The following ABCG8 variants were observed in gnomAD, a reference collection of about 807,000 sequenced individuals.
ABCG8 encodes the protein ATP-binding cassette sub-family G member 8.
A neutral mutation model predicts 71.3 loss-of-function variants in ABCG8; 81 were observed. The observed-to-expected ratio is 1.14, with a 90% CI of 0.95 to 1.37. The LOEUF (loss-of-function observed/expected upper bound fraction) is 1.37. ABCG8 is among the 40% of genes most tolerant of loss of function. The probability of loss-of-function intolerance (pLI) is 0.00; values close to 1 mark genes in which losing one functional copy is unlikely to be tolerated. For missense variants in ABCG8, 1,119 were observed against 866.2 expected, an observed-to-expected ratio of 1.29 and a Z score of -3.66; for synonymous variants, 451 against 354.7, an observed-to-expected ratio of 1.27 and a Z score of -3.05.
chr2:43,857,345 T>A (rs60632368), intron 6 of ABCG8, among the ~76,000 whole-genome samples: 8,164 of 151,716 alleles, frequency 0.054, 269 homozygotes, highest in Middle Eastern at 0.11. Context: ...GATAGAACTC[T>A]CTCGTATTCC....
chr2:43,867,199 G>A (rs1219902842), intron 6 of ABCG8, among the ~76,000 whole-genome samples: 18 of 121,944 alleles, frequency 1.5e-4, no homozygotes, highest in Middle Eastern at 5.1e-3. Flanking sequence ...ACTGTTGTGG[G>A]GTGGGGGGAG....
intron 6 of ABCG8, among the ~76,000 whole-genome samples, chr2:43,861,399 T>C (rs778433069): frequency 6.6e-6 from 1 of 151,308 alleles, no homozygotes; most frequent in Non-Finnish European, 1.5e-5. Context: ...ACTATCTGTC[T>C]GGATCGTATT....
chr2:43,875,574 A>C (rs1271631164), intron 11 of ABCG8, among the ~76,000 whole-genome samples, 161 bp downstream of exon 11: 1 of 152,222 alleles, frequency 6.6e-6, no homozygotes, highest in Non-Finnish European at 1.5e-5. Context: ...GGCCAAAGGA[A>C]TGATTCCATT....
intron 3 of ABCG8, among the ~76,000 whole-genome samples, chr2:43,849,377 G>C (rs1558804612): frequency 6.6e-6 from 1 of 152,200 alleles, no homozygotes; most frequent in South Asian, 2.1e-4. Context: ...GGTGGCAGGA[G>C]AGAAGAATGA....
intron 6 of ABCG8, among the ~76,000 whole-genome samples, chr2:43,864,600 C>T (rs1669454322): frequency 6.6e-6 from 1 of 151,810 alleles, no homozygotes; most frequent in Non-Finnish European, 1.5e-5. Flanking sequence ...GCATGGAACT[C>T]TCACTATCTG....
intron 3 of ABCG8, among the ~76,000 whole-genome samples, chr2:43,851,069 A>T (rs763531677): frequency 6.6e-6 from 1 of 152,138 alleles, no homozygotes; most frequent in Non-Finnish European, 1.5e-5. Flanking sequence ...CTCAAAATAG[A>T]TTTGGTTTTG....
chr2:43,863,330 A>C (rs1303393799), intron 6 of ABCG8, among the ~76,000 whole-genome samples: 1 of 151,552 alleles, frequency 6.6e-6, no homozygotes, highest in Admixed American at 6.6e-5. Context: ...TCTGGATAGA[A>C]TTCTCACTAT....
At chr2:43,855,012 T>C (rs1002892715) in intron 6 of ABCG8, among the ~76,000 whole-genome samples, 4 of 152,180 alleles carry the variant, frequency 2.6e-5, no homozygotes, top group Non-Finnish European at 5.9e-5. Flanking sequence ...CTACCTGAAG[T>C]TGGCCGGTCC....
chr2:43,875,528 C>A, intron 11 of ABCG8, 115 bp downstream of exon 11: 1 of 1,364,686 alleles, frequency 7.3e-7, no homozygotes, highest in Non-Finnish European at 9.8e-7. Context: ...GAGGCTGGCC[C>A]TTCTGGAAGC....
intron 6 of ABCG8, among the ~76,000 whole-genome samples, chr2:43,859,561 C>G (rs1669231552): frequency 6.6e-6 from 1 of 151,300 alleles, no homozygotes; most frequent in Non-Finnish European, 1.5e-5. Flanking sequence ...GGAAAGAATT[C>G]TCACTCTGTG....
In ABCG8 at chr2:43,839,040, G is replaced by C; in HGVS notation, c.-14G>C. The stretch of plus-strand genomic sequence containing the variant: ...AAGAGAGCTGCAGCCCAGGGTCACA[G>C]ACCTGTGGGCCCCATGGCCGGGAAG... On this transcript the variant is annotated 5_prime_UTR_variant, in exon 1 of 13. Transcript: ENST00000272286. The C allele has an allele frequency of 6.4e-7, 1 of 1,550,660 alleles. No individual in the cohort carries two copies. The highest frequency in any genetic ancestry group is 1.4e-5 in the African/African-American group (1 of 73,158).
chr2:43,875,306 C>A lies in ABCG8; in HGVS notation c.1649C>A (p.Ala550Glu), dbSNP rs202028007. The part of the protein sequence containing the change: ...FCCRIMALAA[A>E]ALLPTFHMAS... Reference sequence around the variant, plus strand: ...TGCAGGATTATGGCCCTGGCCGCCGCGGCCCTGCTCCCCACCTTCCACATG... The same window carrying A: ...TGCAGGATTATGGCCCTGGCCGCCGAGGCCCTGCTCCCCACCTTCCACATG... Residue 550 changes from alanine (A) to glutamate (E), a missense_variant, in exon 11 of 13, where the codon GCG becomes GAG. Physicochemically the swap from Ala to Glu is moderately radical, Grantham distance 107. Transcript: ENST00000272286. 1 of 1,614,154 alleles carries A rather than the reference C, an allele frequency of 6.2e-7. No individual in the cohort carries two copies. The highest frequency in any genetic ancestry group is 1.1e-5 in the South Asian group (1 of 91,078).
chr2:43,842,759 A>G (rs1668620118), intron 1 of ABCG8, among the ~76,000 whole-genome samples: 1 of 145,872 alleles, frequency 6.9e-6, no homozygotes, highest in Admixed American at 6.9e-5. Context: ...CCTCTCCTGA[A>G]TTAGGTGTTT....
At chr2:43,848,778 G>A (rs1460457964) in intron 3 of ABCG8, among the ~76,000 whole-genome samples, 1 of 152,056 alleles carries the variant, frequency 6.6e-6, no homozygotes, top group Non-Finnish European at 1.5e-5. Flanking sequence ...CACTTTGGGA[G>A]GCTGAGGCAA....
In ABCG8 at chr2:43,874,399, C is replaced by CT. The variant is rs4148227; in HGVS notation, c.1412-3dup. On this transcript the variant is annotated splice_polypyrimidine_tract_variant and splice_region_variant and intron_variant, in intron 9 of 12. Coordinates refer to ENST00000272286, the MANE Select transcript of ABCG8 (RefSeq NM_022437.3). ...CTTCATTCTCTTTTCCTTTCCCTTA[C>CT]TTTTTAGGTTACTCAGAGAGGGCAA... is the stretch of plus-strand genomic sequence containing the variant. 1.9e-6 allele frequency: 3 copies of CT among 1,594,058 alleles called. No homozygotes were observed. Among genetic ancestry groups the CT allele is most frequent in the Non-Finnish European group, 2.6e-6 (3 of 1,162,024 alleles).
At chr2:43,865,216 C>A (rs1274231760) in intron 6 of ABCG8, among the ~76,000 whole-genome samples, 1 of 136,686 alleles carries the variant, frequency 7.3e-6, no homozygotes, top group African/African-American at 2.8e-5. Flanking sequence ...AGAATTCTCA[C>A]CATCTGCATG....
intron 2 of ABCG8, 72 bp downstream of exon 2, chr2:43,844,680 A>G (rs562598492): frequency 2.2e-5 from 28 of 1,278,276 alleles, no homozygotes; most frequent in Non-Finnish European, 3.2e-5. Context: ...GGTGGAAATA[A>G]AAGGGTGGGC....
At chr2:43,846,703 G>A (rs914474072) in intron 3 of ABCG8, 3 of 310,778 alleles carry the variant, frequency 9.7e-6, no homozygotes, top group Non-Finnish European at 1.9e-5. Context: ...TGGCCAGACA[G>A]CCCCTGCCAC....
At position 43,881,650 on chromosome 2, in the gene ABCG8, A is replaced by C. The variant is rs948886464; in HGVS notation, c.*3737A>C. ...CTTGAATCCGGGAGGCAGAGGTTGC[A>C]GTGAGCCGAGATTGAGCCACCGCAC... On this transcript the variant is annotated 3_prime_UTR_variant, in exon 13 of 13. Coordinates refer to ENST00000272286, the MANE Select transcript of ABCG8 (RefSeq NM_022437.3). 1.4e-5 allele frequency: 2 copies of C among 145,986 alleles called. No individual in the cohort carries two copies. The highest frequency in any genetic ancestry group is 7.0e-5 in the Admixed American group (1 of 14,250). 9.0% of individuals were successfully genotyped at this position (145,986 alleles called of 1,614,324 possible).
Sources: allele counts gnomAD v4.1 joint callset (sites outside exome capture counted in the v4.1 genomes callset), GRCh38; gene constraint gnomAD v4.1.1; transcripts MANE v1.5; gene names NCBI Gene and HGNC (gene_info 2026-07-23, HGNC 2026-07-21).